Variants in SLC13A5 observed in about 807,000 individuals in gnomAD.
SLC13A5 encodes solute carrier family 13 member 5.
SLC13A5 carries 25 observed loss-of-function variants against 56.5 expected under a neutral mutation model. The observed-to-expected ratio is 0.44, with a 90% CI of 0.32 to 0.62. SLC13A5 has a LOEUF of 0.62. Among genes scored for constraint, SLC13A5 ranks in the 20% least tolerant of loss-of-function variants. The probability of loss-of-function intolerance (pLI) is 0.04; values close to 1 mark genes in which losing one functional copy is unlikely to be tolerated. For synonymous variants in SLC13A5, 307 were observed against 301.5 expected (o/e 1.02, Z -0.19); for missense variants, 649 against 737.8 (o/e 0.88, Z 1.39).
At chr17:6,706,861 G>A (rs774513173) in intron 2 of SLC13A5, 83 bp from the exon 3 acceptor site, 4 of 1,584,644 alleles carry the variant, frequency 2.5e-6, no homozygotes, top group Admixed American at 1.7e-5. Flanking sequence ...TGACTTCAGG[G>A]ACAGCTTGGA....
chr17:6,713,115 G>T lies in SLC13A5; in HGVS notation c.102+117C>A. 1 of 1,033,606 alleles carries T rather than the reference G, an allele frequency of 9.7e-7. No individual in the cohort carries two copies. Among genetic ancestry groups the T allele is most frequent in the Non-Finnish European group, 1.4e-6 (1 of 698,734 alleles). The allele number at this position is 1,033,606 out of a possible 1,614,324, so 64.0% of individuals were successfully genotyped here. On this transcript the variant is annotated intron_variant, in intron 1 of 11. Coordinates refer to ENST00000433363, the MANE Select transcript of SLC13A5 (RefSeq NM_177550.5). This position sits in a 1 kb window ranked among gnomAD's most constrained non-coding sequence, Gnocchi z 7.3. ...GGAGCTCCTGAGTGCGCGCGCCCCGGGAGAGCTGTGCTCCCCGCGAAATCC... is the reference window on the plus strand; with the variant it reads ...GGAGCTCCTGAGTGCGCGCGCCCCGTGAGAGCTGTGCTCCCCGCGAAATCC...
chr17:6,704,390 C>A (rs752658664), intron 3 of SLC13A5: 10 of 444,280 alleles, frequency 2.3e-5, no homozygotes, highest in South Asian at 8.9e-5. Flanking sequence ...GAAGCCCAGG[C>A]ATCCAGATGG....
At chr17:6,704,613 C>A in intron 3 of SLC13A5, 1 of 256,922 alleles carries the variant, frequency 3.9e-6, no homozygotes, top group South Asian at 4.8e-5. Context: ...CCACTCCAAC[C>A]CTGCCATCTC....
chr17:6,713,168 T>C lies in SLC13A5; in HGVS notation c.102+64A>G, dbSNP rs1974084742. ...GCGCTCCAGCTCAGGGCTCCCGGGA[T>C]CGGTGCCCGTTAGTGGGCACAGGAC... On this transcript the variant is annotated intron_variant, in intron 1 of 11. Coordinates refer to ENST00000433363, the MANE Select transcript of SLC13A5 (RefSeq NM_177550.5). This position sits in a 1 kb window ranked among gnomAD's most constrained non-coding sequence, Gnocchi z 7.3. 6.6e-7 allele frequency: 1 copy of C among 1,512,300 alleles called. No homozygotes were observed. Among genetic ancestry groups the C allele is most frequent in the Non-Finnish European group, 9.1e-7 (1 of 1,097,906 alleles). 93.7% of individuals were successfully genotyped at this position (1,512,300 alleles called of 1,614,324 possible).
At chr17:6,690,588 G>A (rs1973379077) in intron 10 of SLC13A5, among the ~76,000 whole-genome samples, 191 bp downstream of exon 10, 1 of 152,238 alleles carries the variant, frequency 6.6e-6, no homozygotes, top group Admixed American at 6.5e-5. Flanking sequence ...GGTACAAAGA[G>A]GAGTGGCAAA....
chr17:6,702,921 G>A (rs1567621937), intron 5 of SLC13A5, 49 bp downstream of exon 5: 1 of 1,594,392 alleles, frequency 6.3e-7, no homozygotes, highest in Non-Finnish European at 8.6e-7. Flanking sequence ...GGTCCCTCCA[G>A]CCCCGGTACC....
In SLC13A5 at chr17:6,706,633, C is replaced by T. The variant is rs764226590; in HGVS notation, c.368+9G>A. ...GAGCCACGTGGCAAGAGAGAGAAGGCGTAATTACCGTGCAGGCTTGGCCCC... is the reference window on the plus strand; with the variant it reads ...GAGCCACGTGGCAAGAGAGAGAAGGTGTAATTACCGTGCAGGCTTGGCCCC... On this transcript the variant is annotated intron_variant, in intron 3 of 11. Transcript: ENST00000433363. 27 of 1,612,512 alleles carry T rather than the reference C, an allele frequency of 1.7e-5. No individual in the cohort carries two copies. Among genetic ancestry groups the T allele is most frequent in the African/African-American group, 1.2e-4 (9 of 74,910 alleles).
At chr17:6,686,455 G>T (rs1482834791) in intron 11 of SLC13A5, 117 bp from the exon 12 acceptor site, 1 of 1,382,960 alleles carries the variant, frequency 7.2e-7, no homozygotes. Flanking sequence ...TCTGTCCCTG[G>T]CTGGGGTGTC....
rs904589481 is a variant in SLC13A5 at position 6,702,909 on chromosome 17, C to T, written c.716+61G>A. 5.1e-6 allele frequency: 8 copies of T among 1,574,620 alleles called. No homozygotes were observed. The Admixed American group carries it at 1.4e-4, about 27-fold the overall frequency. ...CTGCAGAGGAGCAGAGAGAGGTGGGCAGGTCCCTCCAGCCCCGGTACCCAC... is the reference window on the plus strand; with the variant it reads ...CTGCAGAGGAGCAGAGAGAGGTGGGTAGGTCCCTCCAGCCCCGGTACCCAC... On this transcript the variant is annotated intron_variant, in intron 5 of 11. Transcript: ENST00000433363.
Position 6,711,424 on chromosome 17 carries a change from CTCTT to C in SLC13A5, c.102+1804_102+1807del, listed in dbSNP as rs1265783199. Among the ~76,000 whole-genome samples the C allele has an allele frequency of 2.9e-5, 4 of 138,422 alleles. No homozygotes were observed. The highest frequency in any genetic ancestry group is 6.2e-5 in the Non-Finnish European group (4 of 64,784). The allele number at this position is 138,422 out of a possible 152,430, so 90.8% of individuals were successfully genotyped here. On this transcript the variant is annotated intron_variant, in intron 1 of 11. Transcript: ENST00000433363. This position sits in a 1 kb window ranked among gnomAD's most constrained non-coding sequence, Gnocchi z 4.0. Reference sequence around the variant, plus strand: ...GACAGCTTAATCTCTCTCTCTCTCTCTCTTACACACACACACATACACACACATA... The same window carrying C: ...GACAGCTTAATCTCTCTCTCTCTCTCACACACACACACATACACACACATA...
In SLC13A5 at chr17:6,701,815, C is replaced by T. The variant is rs1973721796; in HGVS notation, c.717-689G>A. 6.6e-6 allele frequency among the ~76,000 whole-genome samples: 1 copy of T among 152,218 alleles called. No individual in the cohort carries two copies. The highest frequency in any genetic ancestry group is 2.1e-4 in the South Asian group (1 of 4,834). On this transcript the variant is annotated intron_variant, in intron 5 of 11. Transcript: ENST00000433363. The surrounding 1 kb of genome is among the most constrained non-coding windows in gnomAD (Gnocchi z 4.1). The stretch of plus-strand genomic sequence containing the variant: ...AGCAATCTCGCTCTGTGGGTTTCTG[C>T]AAAGAACGGTCCCCCCACTTAGCAA...
chr17:6,708,993 CTT>C (rs575087645), intron 1 of SLC13A5, among the ~76,000 whole-genome samples: 20 of 132,968 alleles, frequency 1.5e-4, no homozygotes, highest in Admixed American at 3.0e-4. Context: ...TCTTTTATTT[CTT>C]TTTTTTTTTT....
rs1271011718 is a variant in SLC13A5 at position 6,703,043 on chromosome 17, C to T, written c.643G>A (p.Ala215Thr). Residue 215 changes from alanine (A) to threonine (T), a missense_variant, in exon 5 of 12, where the codon GCG becomes ACG. Coordinates refer to ENST00000433363, the MANE Select transcript of SLC13A5 (RefSeq NM_177550.5). The stretch of plus-strand genomic sequence containing the variant: ...GTGGCGGTGCCCCCGATGCTGGCCG[C>T]GTAGCAGATGCACAGGGTCATGGCC... ...CKAMTLCICY[A>T]ASIGGTATLT... The T allele has an allele frequency of 3.1e-6, 5 of 1,614,222 alleles. No homozygotes were observed. Among genetic ancestry groups the T allele is most frequent in the South Asian group, 1.1e-5 (1 of 91,082 alleles).
intron 11 of SLC13A5, chr17:6,686,650 G>T: frequency 3.0e-6 from 1 of 328,674 alleles, no homozygotes; most frequent in Non-Finnish European, 5.9e-6. Context: ...CCAGTGTTCC[G>T]TGAGTCCAGG....
rs905191776 is a variant in SLC13A5 at position 6,712,212 on chromosome 17, T to TC, written c.102+1019dup. Among the ~76,000 whole-genome samples, 44 of 151,420 alleles carry TC rather than the reference T, an allele frequency of 2.9e-4. No homozygotes were observed. The South Asian group carries it at 3.1e-3, about 11-fold the overall frequency. ...CCAGTGCACTCCCTTCCTCTAGAGC[T>TC]CCCCCCCAGAGCATCCCCTGAAGAG... On this transcript the variant is annotated intron_variant, in intron 1 of 11. Coordinates refer to ENST00000433363, the MANE Select transcript of SLC13A5 (RefSeq NM_177550.5).
chr17:6,706,766 A>G lies in SLC13A5; in HGVS notation c.244T>C (p.Tyr82His). The change falls in exon 3 of 12, where the codon TAC becomes CAC. Residue 82 changes from tyrosine to histidine, a missense_variant. Coordinates refer to ENST00000433363, the MANE Select transcript of SLC13A5 (RefSeq NM_177550.5). Reference protein sequence around the residue: ...ILDSRQVCVQYMKDTNMLFLG... With the variant: ...ILDSRQVCVQHMKDTNMLFLG... ...AACAGCATGTTGGTGTCCTTCATGT[A>G]CTGGACACACACCTGGAGCGTGGCA... 6.2e-7 allele frequency: 1 copy of G among 1,614,060 alleles called. No homozygotes were observed. The highest frequency in any genetic ancestry group is 8.5e-7 in the Non-Finnish European group (1 of 1,180,010).
In SLC13A5 at chr17:6,695,863, G is replaced by A. The variant is rs1249247580; in HGVS notation, c.918C>T (p.Tyr306=). ...KAALKVLQEE[Y]RKLGPLSFAE... ...CGAAGGACAAGGGCCCCAGCTTCCGGTACTCCTCCTGCAGCACCTTGAGGG... is the reference window on the plus strand; with the variant it reads ...CGAAGGACAAGGGCCCCAGCTTCCGATACTCCTCCTGCAGCACCTTGAGGG... Residue 306 remains tyrosine (Y), a synonymous_variant, in exon 7 of 12, where the codon TAC becomes TAT. Coordinates refer to ENST00000433363, the MANE Select transcript of SLC13A5 (RefSeq NM_177550.5). 1 of 1,614,010 alleles carries A rather than the reference G, an allele frequency of 6.2e-7. No homozygotes were observed. The highest frequency in any genetic ancestry group is 8.5e-7 in the Non-Finnish European group (1 of 1,180,046).
At chr17:6,702,384 A>G (rs757473159) in intron 5 of SLC13A5, among the ~76,000 whole-genome samples, 1 of 152,142 alleles carries the variant, frequency 6.6e-6, no homozygotes, top group Non-Finnish European at 1.5e-5. Flanking sequence ...GGCCAAGGCT[A>G]GAAAGTTCCA....
chr17:6,706,905 C>G, intron 2 of SLC13A5, 123 bp downstream of exon 2: 1 of 1,557,734 alleles, frequency 6.4e-7, no homozygotes, highest in Non-Finnish European at 8.7e-7. Context: ...GTCTCCCTGC[C>G]AGGGAGAATC....
Sources: allele counts gnomAD v4.1 joint callset (sites outside exome capture counted in the v4.1 genomes callset), GRCh38; gene constraint gnomAD v4.1.1; non-coding constraint Gnocchi (gnomAD v3.1); transcripts MANE v1.5; gene names NCBI Gene and HGNC (gene_info 2026-07-23, HGNC 2026-07-21).